PLCG2: variants seen among roughly 807,000 people sequenced by gnomAD.
PLCG2 encodes the protein phospholipase C gamma 2.
A neutral mutation model predicts 175.6 loss-of-function variants in PLCG2; 69 were observed. That is an observed-to-expected ratio of 0.39 (90% CI 0.32 to 0.48). PLCG2 has a LOEUF of 0.48. Among genes scored for constraint, PLCG2 ranks in the 20% least tolerant of loss-of-function variants. PLCG2 has a pLI of 0.91. For missense variants in PLCG2, 1,798 were observed against 1,650.9 expected (o/e 1.09, Z -1.54); for synonymous variants, 827 against 624.0 (o/e 1.33, Z -4.85).
chr16:81,814,186 G>A (rs1904437675), intron 2 of PLCG2, among the ~76,000 whole-genome samples: 1 of 152,152 alleles, frequency 6.6e-6, no homozygotes. Context: ...ACAGCGGAGG[G>A]GAATGGTACC....
intron 2 of PLCG2, among the ~76,000 whole-genome samples, chr16:81,813,358 T>C (rs1437180244): frequency 6.6e-6 from 1 of 152,220 alleles, no homozygotes; most frequent in South Asian, 2.1e-4. Context: ...GAGCAGTTGT[T>C]TGTAGTTCTC....
chr16:81,938,752 C>G, intron 28 of PLCG2, 49 bp from the exon 29 acceptor site: 1 of 1,121,294 alleles, frequency 8.9e-7, no homozygotes, highest in Non-Finnish European at 1.3e-6. Flanking sequence ...CGCTAGGCTG[C>G]CTGTTCAGGA....
At chr16:81,864,410 T>A (rs543168131) in intron 5 of PLCG2, among the ~76,000 whole-genome samples, 1 of 152,352 alleles carries the variant, frequency 6.6e-6, no homozygotes, top group African/African-American at 2.4e-5. Context: ...CAGCCCCGTG[T>A]GGCTAGCAGC....
intron 1 of PLCG2, among the ~76,000 whole-genome samples, chr16:81,740,993 T>C (rs747321704): frequency 6.6e-6 from 1 of 151,652 alleles, no homozygotes; most frequent in East Asian, 1.9e-4. Context: ...TTGAATAGAG[T>C]TCTAATCCAT....
intron 2 of PLCG2, 50 bp from the exon 3 acceptor site, chr16:81,854,394 A>T: frequency 6.4e-7 from 1 of 1,570,784 alleles, no homozygotes; most frequent in Non-Finnish European, 8.8e-7. Flanking sequence ...CTGCATCCTC[A>T]GGTGGAGGGA....
chr16:81,812,306 C>G (rs1038486091), intron 2 of PLCG2, among the ~76,000 whole-genome samples: 1 of 152,114 alleles, frequency 6.6e-6, no homozygotes, highest in African/African-American at 2.4e-5. Context: ...GCCTCAGCCT[C>G]CCACAGTGCT....
intron 2 of PLCG2, among the ~76,000 whole-genome samples, chr16:81,814,033 T>C (rs944476644): frequency 6.6e-6 from 1 of 152,130 alleles, no homozygotes; most frequent in African/African-American, 2.4e-5. Context: ...CTTGGGTGTG[T>C]TGAGTGATCT....
chr16:81,858,091 A>C (rs552406133), intron 3 of PLCG2, 172 bp from the exon 4 acceptor site: 137 of 329,990 alleles, frequency 4.2e-4, no homozygotes, highest in African/African-American at 2.6e-3. Flanking sequence ...TCAGACAAAA[A>C]GCAGGTCCTA....
chr16:81,839,684 A>G (rs1398885378), intron 2 of PLCG2, among the ~76,000 whole-genome samples: 2 of 152,222 alleles, frequency 1.3e-5, no homozygotes, highest in Non-Finnish European at 2.9e-5. Flanking sequence ...AAGACATAAC[A>G]AAGGGTGGGC....
chr16:81,904,627 T>A (rs1443864779), intron 14 of PLCG2, among the ~76,000 whole-genome samples: 1 of 152,232 alleles, frequency 6.6e-6, no homozygotes, highest in Non-Finnish European at 1.5e-5. Flanking sequence ...TCCCTCTGTG[T>A]GCTAGAGAAG....
At position 81,854,436 on chromosome 16, in the gene PLCG2, C is replaced by G; in HGVS notation, c.194-8C>G. 5 of 1,613,418 alleles carry G rather than the reference C, an allele frequency of 3.1e-6. No homozygotes were observed. Among genetic ancestry groups the G allele is most frequent in the Non-Finnish European group, 4.2e-6 (5 of 1,179,472 alleles). On this transcript the variant is annotated splice_region_variant and splice_polypyrimidine_tract_variant and intron_variant, in intron 2 of 32. Transcript: ENST00000564138. ...GCTTCTAATTGGCTCATGTTAATTT[C>G]ATTTTAGTGGATATCATGGAAATAA...
chr16:81,839,603 G>A lies in PLCG2; in HGVS notation c.194-14841G>A, dbSNP rs568201457. Reference sequence around the variant, plus strand: ...TTTAAACTTAATTTTATATAGAAAAGAAACTTGATTTCATAGTTTAGAGGT... The same window carrying A: ...TTTAAACTTAATTTTATATAGAAAAAAAACTTGATTTCATAGTTTAGAGGT... On this transcript the variant is annotated intron_variant, in intron 2 of 32. Coordinates refer to ENST00000564138, the MANE Select transcript of PLCG2 (RefSeq NM_002661.5). Among the ~76,000 whole-genome samples the A allele has an allele frequency of 3.4e-3, 510 of 152,172 alleles. 1 individual carries two copies. The highest frequency in any genetic ancestry group is 3.2e-3 in the Non-Finnish European group (218 of 67,996).
At chr16:81,847,414 C>T (rs552838934) in intron 2 of PLCG2, among the ~76,000 whole-genome samples, 1 of 152,144 alleles carries the variant, frequency 6.6e-6, no homozygotes, top group Non-Finnish European at 1.5e-5. Context: ...TTTAGCCCCT[C>T]TCTCCTTCCT....
At position 81,831,031 on chromosome 16, in the gene PLCG2, C is replaced by T. The variant is rs8047633; in HGVS notation, c.194-23413C>T. On this transcript the variant is annotated intron_variant, in intron 2 of 32. Coordinates refer to ENST00000564138, the MANE Select transcript of PLCG2 (RefSeq NM_002661.5). The stretch of plus-strand genomic sequence containing the variant: ...TTGGGGCCTTTGCATTTACTATTTG[C>T]TCTGCCTGAAATATTCTATCTCAGA... Among the ~76,000 whole-genome samples, 1,129 of 152,284 alleles carry T rather than the reference C, an allele frequency of 7.4e-3. 10 individuals are homozygous for T. The highest frequency in any genetic ancestry group is 0.026 in the African/African-American group (1,096 of 41,554).
At chr16:81,869,046 T>A (rs1344499291) in intron 5 of PLCG2, among the ~76,000 whole-genome samples, 168 bp from the exon 6 acceptor site, 1 of 152,258 alleles carries the variant, frequency 6.6e-6, no homozygotes, top group Non-Finnish European at 1.5e-5. Flanking sequence ...CATTGAAGTG[T>A]CACCCTTACC....
chr16:81,838,756 C>G (rs944451756), intron 2 of PLCG2, among the ~76,000 whole-genome samples: 1 of 143,928 alleles, frequency 6.9e-6, no homozygotes, highest in African/African-American at 2.6e-5. Context: ...GCACATGTAT[C>G]CCAGAACTTA....
rs571658531 is a variant in PLCG2 at position 81,834,391 on chromosome 16, G to A, written c.194-20053G>A. 6.6e-5 allele frequency among the ~76,000 whole-genome samples: 10 copies of A among 152,266 alleles called. No homozygotes were observed. The East Asian group carries it at 1.5e-3, about 23-fold the overall frequency. On this transcript the variant is annotated intron_variant, in intron 2 of 32. Coordinates refer to ENST00000564138, the MANE Select transcript of PLCG2 (RefSeq NM_002661.5). The stretch of plus-strand genomic sequence containing the variant: ...AGAGTCTTAGCCCAGGAGCCGGCGC[G>A]GGTGGTGTTGGAGAACTCTGGGCCT...
intron 7 of PLCG2, among the ~76,000 whole-genome samples, chr16:81,877,294 A>G (rs1036350684): frequency 6.7e-6 from 1 of 149,254 alleles, no homozygotes; most frequent in South Asian, 2.1e-4. Flanking sequence ...CTCTACTAAA[A>G]ATACAAAAAA....
At chr16:81,878,268 G>A (rs1364550124) in intron 7 of PLCG2, among the ~76,000 whole-genome samples, 2 of 151,854 alleles carry the variant, frequency 1.3e-5, no homozygotes, top group Admixed American at 6.6e-5. Context: ...ACAGGTGTGA[G>A]CCACCGTGCC....
Sources: allele counts gnomAD v4.1 joint callset (sites outside exome capture counted in the v4.1 genomes callset), GRCh38; gene constraint gnomAD v4.1.1; transcripts MANE v1.5; gene names NCBI Gene and HGNC (gene_info 2026-07-23, HGNC 2026-07-21).